The following ASIC2 variants were observed in gnomAD, a reference collection of about 807,000 sequenced individuals.
The protein encoded by ASIC2 is acid-sensing ion channel 2.
A neutral mutation model predicts 57.3 loss-of-function variants in ASIC2; 25 were observed. The observed-to-expected ratio is 0.44, with a 90% CI of 0.32 to 0.61. ASIC2 has a LOEUF of 0.61. Among genes scored for constraint, ASIC2 ranks in the 20% least tolerant of loss-of-function variants. The pLI, the probability that ASIC2 is intolerant of heterozygous loss-of-function variation, is 0.06. For missense variants in ASIC2, 641 were observed against 738.1 expected (o/e 0.87, Z 1.52); for synonymous variants, 319 against 307.5 (o/e 1.04, Z -0.39).
At chr17:33,389,804 G>T (rs1446357984) in intron 1 of ASIC2, among the ~76,000 whole-genome samples, 1 of 152,200 alleles carries the variant, frequency 6.6e-6, no homozygotes, top group African/African-American at 2.4e-5. Context: ...TTATGAACAG[G>T]AATGATGATA....
At chr17:33,231,036 G>A (rs1908072316) in intron 1 of ASIC2, among the ~76,000 whole-genome samples, 1 of 152,188 alleles carries the variant, frequency 6.6e-6, no homozygotes. Flanking sequence ...GAACTAATAA[G>A]CTGCCCAGCT....
intron 3 of ASIC2, among the ~76,000 whole-genome samples, chr17:33,078,842 A>G (rs182336577): frequency 2.6e-5 from 4 of 152,336 alleles, no homozygotes; most frequent in Admixed American, 2.6e-4. Flanking sequence ...CTAACACCTA[A>G]CACAGTGCCT....
intron 1 of ASIC2, among the ~76,000 whole-genome samples, chr17:33,698,002 T>A (rs949035286): frequency 6.6e-6 from 1 of 152,220 alleles, no homozygotes; most frequent in African/African-American, 2.4e-5. Context: ...TAAGACCGGT[T>A]GAGTAGTGTT....
At chr17:33,708,636 A>G (rs574859700) in intron 1 of ASIC2, among the ~76,000 whole-genome samples, 5 of 152,166 alleles carry the variant, frequency 3.3e-5, no homozygotes, top group African/African-American at 1.2e-4. Flanking sequence ...TCTCTATGGG[A>G]TGAGGTTTCT....
rs116021264 is a variant in ASIC2, at chr17:33,071,395, G to A, written c.987+17468C>T. Among the ~76,000 whole-genome samples the A allele has an allele frequency of 2.4e-3, 369 of 152,210 alleles. 2 individuals carry two copies. Among genetic ancestry groups the A allele is most frequent in the African/African-American group, 8.6e-3 (356 of 41,526 alleles). On this transcript the variant is annotated intron_variant, in intron 3 of 9. Transcript: ENST00000225823. ...TATCCAGTGTATTTTTAAAATCAAA[G>A]CCATTGTAGTTTTTAATCTCTAGAA...
intron 1 of ASIC2, among the ~76,000 whole-genome samples, chr17:33,380,353 G>C (rs1909444306): frequency 6.6e-6 from 1 of 151,634 alleles, no homozygotes; most frequent in Non-Finnish European, 1.5e-5. Flanking sequence ...TGATGATGAT[G>C]ATCATGATGC....
intron 1 of ASIC2, among the ~76,000 whole-genome samples, chr17:33,560,381 A>G (rs1916037141): frequency 6.6e-6 from 1 of 152,240 alleles, no homozygotes; most frequent in South Asian, 2.1e-4. Context: ...GGCAACTGCT[A>G]CTTTGGAACC....
chr17:33,056,189 CCTCATTCAAA>C (rs1213686678), intron 3 of ASIC2, among the ~76,000 whole-genome samples: 1 of 152,154 alleles, frequency 6.6e-6, no homozygotes, highest in Non-Finnish European at 1.5e-5. Context: ...TCTTTGGATT[CCTCATTCAAA>C]GACCCAATCA....
intron 1 of ASIC2, among the ~76,000 whole-genome samples, chr17:33,591,889 A>T (rs536742276): frequency 6.6e-6 from 1 of 152,126 alleles, no homozygotes; most frequent in Non-Finnish European, 1.5e-5. Context: ...GATCACTCAC[A>T]CAAGAATCCT....
intron 1 of ASIC2, among the ~76,000 whole-genome samples, chr17:33,724,051 G>A (rs1472441680): frequency 6.6e-6 from 1 of 152,084 alleles, no homozygotes; most frequent in Non-Finnish European, 1.5e-5. Flanking sequence ...GGAGATAATT[G>A]AATCATGGGG....
At chr17:33,259,819 A>T (rs1189574899) in intron 1 of ASIC2, among the ~76,000 whole-genome samples, 1 of 152,136 alleles carries the variant, frequency 6.6e-6, no homozygotes, top group Non-Finnish European at 1.5e-5. Context: ...TGGCTCACAG[A>T]TGCTGGGCTC....
At chr17:33,843,579 C>T (rs1347366296) in intron 1 of ASIC2, among the ~76,000 whole-genome samples, 1 of 152,204 alleles carries the variant, frequency 6.6e-6, no homozygotes, top group Non-Finnish European at 1.5e-5. Flanking sequence ...ATGTATTCCT[C>T]TATTTTCTTC....
At chr17:33,807,254 T>C (rs1021123890) in intron 1 of ASIC2, among the ~76,000 whole-genome samples, 9 of 152,230 alleles carry the variant, frequency 5.9e-5, no homozygotes, top group African/African-American at 2.2e-4. Context: ...AAGGAGGTTC[T>C]GGGTACTGAG....
At chr17:33,453,814 C>T (rs977001115) in intron 1 of ASIC2, among the ~76,000 whole-genome samples, 3 of 152,170 alleles carry the variant, frequency 2.0e-5, no homozygotes, top group Non-Finnish European at 2.9e-5. Context: ...AGACAGCCAC[C>T]GATCTGCTTC....
chr17:33,750,067 T>C (rs929632181), intron 1 of ASIC2, among the ~76,000 whole-genome samples: 1 of 152,112 alleles, frequency 6.6e-6, no homozygotes, highest in Non-Finnish European at 1.5e-5. Context: ...CTTCCTCTAC[T>C]CCTGTCCATT....
At chr17:34,074,683 T>G (rs1909557872) in intron 1 of ASIC2, among the ~76,000 whole-genome samples, 1 of 152,004 alleles carries the variant, frequency 6.6e-6, no homozygotes, top group Admixed American at 6.6e-5. Flanking sequence ...CAGCATTACG[T>G]GTTTCAGGGC....
Position 33,026,653 on chromosome 17 carries a change from C to T in ASIC2, c.1139-671G>A, listed in dbSNP as rs555295151. Among the ~76,000 whole-genome samples, 37 of 152,254 alleles carry T rather than the reference C, an allele frequency of 2.4e-4. No individual in the cohort carries two copies. In the East Asian group the frequency reaches 5.8e-3, roughly 24 times the overall value. ...GTGTGATTGACACCTCTACTGCTTGCCTTTGGCTAAGGGTTGGTGGGGAAA... is the reference window on the plus strand; with the variant it reads ...GTGTGATTGACACCTCTACTGCTTGTCTTTGGCTAAGGGTTGGTGGGGAAA... On this transcript the variant is annotated intron_variant, in intron 4 of 9. Transcript: ENST00000225823.
intron 1 of ASIC2, among the ~76,000 whole-genome samples, chr17:33,828,756 G>A (rs1205025984): frequency 3.9e-5 from 6 of 152,114 alleles, no homozygotes; most frequent in African/African-American, 9.7e-5. Context: ...CATTGCCCAC[G>A]CCCATAATGT....
chr17:33,770,965 C>G (rs1377082909), intron 1 of ASIC2, among the ~76,000 whole-genome samples: 1 of 152,128 alleles, frequency 6.6e-6, no homozygotes, highest in Non-Finnish European at 1.5e-5. Context: ...AATGGGCTAT[C>G]AGCAAGAAAG....
Sources: allele counts gnomAD v4.1 joint callset (sites outside exome capture counted in the v4.1 genomes callset), GRCh38; gene constraint gnomAD v4.1.1; transcripts MANE v1.5; gene names NCBI Gene and HGNC (gene_info 2026-07-23, HGNC 2026-07-21).